PDE3B: variants seen among roughly 807,000 people sequenced by gnomAD.
PDE3B encodes phosphodiesterase 3B.
In PDE3B, 66 loss-of-function variants were observed where a neutral mutation model predicts 116.8. The ratio of observed to expected loss-of-function variants is 0.56; its 90% CI spans 0.46 to 0.69. The LOEUF (loss-of-function observed/expected upper bound fraction) is 0.69, where lower values mean the gene tolerates loss of function less well. Ranked by LOEUF, PDE3B falls within the 30% of genes least tolerant of loss-of-function variation. The probability of loss-of-function intolerance (pLI) is 0.00; values close to 1 mark genes in which losing one functional copy is unlikely to be tolerated. For synonymous variants in PDE3B, 595 were observed against 533.6 expected (o/e 1.12, Z -1.59); for missense variants, 1,384 against 1,368.1 (o/e 1.01, Z -0.18).
intron 1 of PDE3B, among the ~76,000 whole-genome samples, chr11:14,769,596 G>GATAT (rs3059191): frequency 6.9e-4 from 97 of 141,564 alleles, no homozygotes; most frequent in Middle Eastern, 3.7e-3. Flanking sequence ...CGAATCCAGG[G>GATAT]ATATATATAT....
At chr11:14,681,647 A>G (rs1297884320) in intron 1 of PDE3B, among the ~76,000 whole-genome samples, 5 of 152,174 alleles carry the variant, frequency 3.3e-5, no homozygotes. Context: ...GACTGTCTGT[A>G]TTTATTTCTT....
intron 4 of PDE3B, among the ~76,000 whole-genome samples, chr11:14,791,074 A>G (rs1211478873): frequency 6.6e-6 from 1 of 152,102 alleles, no homozygotes; most frequent in African/African-American, 2.4e-5. Context: ...TATTAATTTC[A>G]TTCAGATATA....
At position 14,856,489 on chromosome 11, in the gene PDE3B, C is replaced by T. The variant is rs782286215; in HGVS notation, c.2521-2554C>T. 5.3e-5 allele frequency among the ~76,000 whole-genome samples: 8 copies of T among 152,270 alleles called. No individual in the cohort carries two copies. In the East Asian group the frequency reaches 1.4e-3, roughly 26 times the overall value. ...ACCTTATTTATCTGCTATCTCTCTACTGAATTTTTTTTTGAGTTGGGAATA... is the reference window on the plus strand; with the variant it reads ...ACCTTATTTATCTGCTATCTCTCTATTGAATTTTTTTTTGAGTTGGGAATA... On this transcript the variant is annotated intron_variant, in intron 12 of 15. Transcript: ENST00000282096.
chr11:14,696,733 T>G (rs1186447217), intron 1 of PDE3B, among the ~76,000 whole-genome samples: 2 of 152,146 alleles, frequency 1.3e-5, no homozygotes. Flanking sequence ...ATTGGGAATA[T>G]CTTCTCCTGG....
At chr11:14,864,913 C>T (rs1300099367) in intron 14 of PDE3B, among the ~76,000 whole-genome samples, 7 of 152,042 alleles carry the variant, frequency 4.6e-5, no homozygotes, top group African/African-American at 1.4e-4. Context: ...GACACCCTAA[C>T]GTCACAATTA....
At chr11:14,660,332 C>G (rs955941166) in intron 1 of PDE3B, among the ~76,000 whole-genome samples, 2 of 147,114 alleles carry the variant, frequency 1.4e-5, no homozygotes, top group Admixed American at 1.4e-4. Flanking sequence ...GGTGGGGTCT[C>G]GCCCTGTTGC....
chr11:14,855,877 AAC>A (rs1209880082), intron 12 of PDE3B, among the ~76,000 whole-genome samples: 2 of 152,242 alleles, frequency 1.3e-5, no homozygotes, highest in Non-Finnish European at 1.5e-5. Context: ...AGTGATTTTA[AAC>A]AGTCATATCT....
intron 1 of PDE3B, among the ~76,000 whole-genome samples, chr11:14,724,910 C>T (rs1856236315): frequency 6.6e-6 from 1 of 152,054 alleles, no homozygotes; most frequent in Non-Finnish European, 1.5e-5. Flanking sequence ...ATATACCAGG[C>T]ACAAATATGG....
At chr11:14,652,443 A>G (rs1853596412) in intron 1 of PDE3B, among the ~76,000 whole-genome samples, 1 of 152,120 alleles carries the variant, frequency 6.6e-6, no homozygotes, top group Admixed American at 6.5e-5. Flanking sequence ...CTTTTTCAAG[A>G]TTATTTTGGC....
chr11:14,651,912 A>C (rs1853584651), intron 1 of PDE3B, among the ~76,000 whole-genome samples: 1 of 152,184 alleles, frequency 6.6e-6, no homozygotes, highest in Admixed American at 6.5e-5. Flanking sequence ...CTTTCTAATA[A>C]GACTTAATAT....
chr11:14,860,289 A>G (rs1847923356), intron 13 of PDE3B, among the ~76,000 whole-genome samples: 1 of 152,152 alleles, frequency 6.6e-6, no homozygotes. Context: ...AAAATGCCAT[A>G]TGAATGGGGC....
At chr11:14,815,145 G>A (rs1859283891) in intron 5 of PDE3B, among the ~76,000 whole-genome samples, 1 of 151,674 alleles carries the variant, frequency 6.6e-6, no homozygotes, top group South Asian at 2.1e-4. Context: ...AAAAAAAAAA[G>A]TCATATAAAA....
intron 2 of PDE3B, 45 bp from the exon 3 acceptor site, chr11:14,786,392 A>T (rs774267156): frequency 6.9e-7 from 1 of 1,452,290 alleles, no homozygotes; most frequent in Admixed American, 1.8e-5. Flanking sequence ...TATATCATTT[A>T]TGCCATGTAC....
intron 1 of PDE3B, among the ~76,000 whole-genome samples, chr11:14,676,294 G>A (rs532600883): frequency 1.3e-5 from 2 of 152,266 alleles, no homozygotes; most frequent in African/African-American, 4.8e-5. Flanking sequence ...ACATCACAGA[G>A]TACTTACACA....
intron 1 of PDE3B, among the ~76,000 whole-genome samples, chr11:14,667,167 A>G (rs1309571757): frequency 1.3e-5 from 2 of 151,922 alleles, no homozygotes; most frequent in Non-Finnish European, 2.9e-5. Flanking sequence ...CATCATTCCC[A>G]GTAAACTATC....
intron 1 of PDE3B, among the ~76,000 whole-genome samples, chr11:14,683,131 G>A (rs889124280): frequency 1.3e-5 from 2 of 151,926 alleles, no homozygotes; most frequent in African/African-American, 4.8e-5. Flanking sequence ...GTAGAGACAG[G>A]GTTTCTCCAT....
At position 14,736,075 on chromosome 11, in the gene PDE3B, T is replaced by C. The variant is rs576541820; in HGVS notation, c.979-35862T>C. The stretch of plus-strand genomic sequence containing the variant: ...AAGTAATCTAGTTTTACCTGTGCTC[T>C]TCTCTCTTGCAAGGTAGAAGGCTAA... On this transcript the variant is annotated intron_variant, in intron 1 of 15. Coordinates refer to ENST00000282096, the MANE Select transcript of PDE3B (RefSeq NM_000922.4). Among the ~76,000 whole-genome samples, 31 of 152,116 alleles carry C rather than the reference T, an allele frequency of 2.0e-4. No homozygotes were observed. The South Asian group carries it at 6.2e-3, about 31-fold the overall frequency.
intron 1 of PDE3B, among the ~76,000 whole-genome samples, chr11:14,679,769 A>T (rs891304007): frequency 6.6e-6 from 1 of 150,850 alleles, no homozygotes; most frequent in Non-Finnish European, 1.5e-5. Flanking sequence ...TTTTTCCCTT[A>T]CTCTACTCGA....
intron 1 of PDE3B, among the ~76,000 whole-genome samples, chr11:14,730,727 T>C (rs908761760): frequency 6.6e-6 from 1 of 152,212 alleles, no homozygotes; most frequent in Non-Finnish European, 1.5e-5. Context: ...CTGAAAGATA[T>C]ATCAACATTT....
Sources: allele counts gnomAD v4.1 joint callset (sites outside exome capture counted in the v4.1 genomes callset), GRCh38; gene constraint gnomAD v4.1.1; transcripts MANE v1.5; gene names NCBI Gene and HGNC (gene_info 2026-07-23, HGNC 2026-07-21).